RETREG1: variants seen among roughly 807,000 people sequenced by gnomAD.
The protein encoded by RETREG1 is reticulophagy regulator 1, also known as family with sequence similarity 134 member B.
Under a neutral mutation model 54.8 loss-of-function variants are expected in RETREG1, and 44 were observed. The ratio of observed to expected loss-of-function variants is 0.80; its 90% CI spans 0.63 to 1.03. The LOEUF (loss-of-function observed/expected upper bound fraction) is 1.03, where lower values mean the gene tolerates loss of function less well. RETREG1 is among the 50% of genes least tolerant of loss of function. The pLI, the probability that RETREG1 is intolerant of heterozygous loss-of-function variation, is 0.00. For missense variants in RETREG1, 554 were observed against 605.1 expected, an observed-to-expected ratio of 0.92 and a Z score of 0.89; for synonymous variants, 217 against 238.5, an observed-to-expected ratio of 0.91 and a Z score of 0.83.
chr5:16,580,880 C>G (rs256878), intron 1 of RETREG1, among the ~76,000 whole-genome samples: 21,689 of 152,214 alleles, frequency 0.14, 1,535 homozygotes, highest in Non-Finnish European at 0.16. Context: ...ACAAATGGGG[C>G]ATCCCCAAGA....
chr5:16,519,581 TCA>T (rs1484840859), intron 3 of RETREG1, among the ~76,000 whole-genome samples: 1 of 152,208 alleles, frequency 6.6e-6, no homozygotes, highest in African/African-American at 2.4e-5. Flanking sequence ...AGTGTTTTCC[TCA>T]AAGCTCCTTT....
In RETREG1 at chr5:16,561,761, C is replaced by T. The variant is rs31288; in HGVS notation, c.458+4002G>A. Reference sequence around the variant, plus strand: ...CTCAAACAGCTTCTGTATTAAGAGACAGCACAGCAGAAATTCTCACATGCA... The same window carrying T: ...CTCAAACAGCTTCTGTATTAAGAGATAGCACAGCAGAAATTCTCACATGCA... On this transcript the variant is annotated intron_variant, in intron 3 of 8. Transcript: ENST00000306320. The surrounding 1 kb of genome is among the most constrained non-coding windows in gnomAD (Gnocchi z 4.2). Among the ~76,000 whole-genome samples the T allele has an allele frequency of 2.0e-5, 3 of 152,114 alleles. No individual in the cohort carries two copies. The highest frequency in any genetic ancestry group is 2.9e-5 in the Non-Finnish European group (2 of 68,018).
intron 1 of RETREG1, 70 bp downstream of exon 1, chr5:16,616,582 G>T: frequency 6.5e-7 from 1 of 1,533,810 alleles, no homozygotes; most frequent in Non-Finnish European, 8.7e-7. Context: ...CCTGCACTGG[G>T]TCCCCGGGGC....
intron 3 of RETREG1, among the ~76,000 whole-genome samples, chr5:16,504,640 A>T (rs1179666117): frequency 6.6e-6 from 1 of 152,146 alleles, no homozygotes; most frequent in African/African-American, 2.4e-5. Context: ...TCGCCAGCAC[A>T]TAACAGCCAT....
intron 3 of RETREG1, among the ~76,000 whole-genome samples, chr5:16,558,346 G>GGAT (rs1435703260): frequency 1.3e-5 from 2 of 152,242 alleles, no homozygotes; most frequent in African/African-American, 4.8e-5. Flanking sequence ...CTTCACCATG[G>GGAT]GATGACATAT....
intron 3 of RETREG1, among the ~76,000 whole-genome samples, chr5:16,557,600 C>T (rs963206174): frequency 6.6e-6 from 1 of 152,124 alleles, no homozygotes; most frequent in African/African-American, 2.4e-5. Context: ...GGCTTTGACT[C>T]TCTATTGTGC....
intron 3 of RETREG1, among the ~76,000 whole-genome samples, chr5:16,507,318 G>A (rs1377538353): frequency 6.6e-6 from 1 of 152,166 alleles, no homozygotes; most frequent in African/African-American, 2.4e-5. Flanking sequence ...AAGAGAGCTG[G>A]TGGGAGTGCC....
intron 3 of RETREG1, among the ~76,000 whole-genome samples, chr5:16,518,546 A>G (rs1430878071): frequency 1.3e-5 from 2 of 152,076 alleles, no homozygotes; most frequent in Non-Finnish European, 2.9e-5. Flanking sequence ...TTATGGTAAG[A>G]AAAAAATAGT....
Position 16,506,281 on chromosome 5 carries a change from A to G in RETREG1, c.459-22809T>C, listed in dbSNP as rs1365411520. On this transcript the variant is annotated intron_variant, in intron 3 of 8. Transcript: ENST00000306320. The stretch of plus-strand genomic sequence containing the variant: ...AGTGCCAAAATGGAACTGAAGTCAC[A>G]TGAAAAAGCCTCAGTGTGAGACTCA... Among the ~76,000 whole-genome samples the G allele has an allele frequency of 2.0e-5, 3 of 152,346 alleles. No individual in the cohort carries two copies. The East Asian group carries it at 5.8e-4, about 29-fold the overall frequency.
chr5:16,522,953 C>A (rs1740584202), intron 3 of RETREG1, among the ~76,000 whole-genome samples: 1 of 151,976 alleles, frequency 6.6e-6, no homozygotes, highest in Admixed American at 6.6e-5. Context: ...TTACAGTGAG[C>A]TGTGACTGCG....
intron 3 of RETREG1, among the ~76,000 whole-genome samples, chr5:16,505,438 G>T (rs190908560): frequency 2.6e-5 from 4 of 152,070 alleles, no homozygotes; most frequent in Admixed American, 2.6e-4. Flanking sequence ...TCCACACCTG[G>T]GCTGTGTGCT....
intron 3 of RETREG1, among the ~76,000 whole-genome samples, chr5:16,528,645 G>A: frequency 6.6e-6 from 1 of 152,232 alleles, no homozygotes; most frequent in East Asian, 1.9e-4. Context: ...ATATGTGCAA[G>A]AAGGGACAAG....
intron 3 of RETREG1, among the ~76,000 whole-genome samples, chr5:16,505,891 G>A (rs13188528): frequency 0.19 from 28,400 of 152,034 alleles, 2,995 homozygotes; most frequent in Middle Eastern, 0.28. Flanking sequence ...TGCCTTCCTC[G>A]CCTGCTTCAG....
rs772179383 is a variant in RETREG1, at chr5:16,616,744, C to T, written c.228G>A (p.Val76=). ...CGTCGGCGCGGCAGCCCAGCCACAGCACCGGCTCCCCGAGCAGCCAGGTTA... is the reference window on the plus strand; with the variant it reads ...CGTCGGCGCGGCAGCCCAGCCACAGTACCGGCTCCCCGAGCAGCCAGGTTA... ...AAVTWLLGEP[V]LWLGCRADEL... The change falls in exon 1 of 9, where the codon GTG becomes GTA. Residue 76 remains valine, a synonymous_variant. Coordinates refer to ENST00000306320, the MANE Select transcript of RETREG1 (RefSeq NM_001034850.3). 1.6e-4 allele frequency: 256 copies of T among 1,574,916 alleles called. 1 individual carries two copies. Among genetic ancestry groups the T allele is most frequent in the Non-Finnish European group, 1.6e-5 (19 of 1,168,266 alleles).
At chr5:16,562,923 G>T (rs1460027819) in intron 3 of RETREG1, among the ~76,000 whole-genome samples, 2 of 151,844 alleles carry the variant, frequency 1.3e-5, no homozygotes, top group East Asian at 3.9e-4. Context: ...TAGTTAATAA[G>T]AATAAATTAG....
chr5:16,505,535 A>G (rs1290448271), intron 3 of RETREG1, among the ~76,000 whole-genome samples: 1 of 152,214 alleles, frequency 6.6e-6, no homozygotes, highest in Non-Finnish European at 1.5e-5. Context: ...TACCAAGTGA[A>G]GCAATGAACA....
chr5:16,598,029 C>T, intron 1 of RETREG1, among the ~76,000 whole-genome samples: 1 of 152,042 alleles, frequency 6.6e-6, no homozygotes, highest in East Asian at 1.9e-4. Context: ...TTCACCGTGC[C>T]CTACCTCCTG....
At chr5:16,572,567 G>C (rs1742205777) in intron 1 of RETREG1, among the ~76,000 whole-genome samples, 1 of 152,154 alleles carries the variant, frequency 6.6e-6, no homozygotes, top group Non-Finnish European at 1.5e-5. Context: ...TATTTAATAG[G>C]CATCAAAGTC....
At position 16,495,432 on chromosome 5, in the gene RETREG1, G is replaced by C. The variant is rs1012369246; in HGVS notation, c.459-11960C>G. 7.2e-5 allele frequency among the ~76,000 whole-genome samples: 11 copies of C among 152,214 alleles called. No individual in the cohort carries two copies. The South Asian group carries it at 1.0e-3, about 14-fold the overall frequency. ...AGCAACCCCTCCCATCACAGGCCCA[G>C]AGGCCTAGGATGACATAATGGTTTT... On this transcript the variant is annotated intron_variant, in intron 3 of 8. Transcript: ENST00000306320.
Sources: allele counts gnomAD v4.1 joint callset (sites outside exome capture counted in the v4.1 genomes callset), GRCh38; gene constraint gnomAD v4.1.1; non-coding constraint Gnocchi (gnomAD v3.1); transcripts MANE v1.5; gene names NCBI Gene and HGNC (gene_info 2026-07-23, HGNC 2026-07-21).